Variants in UGT1A3 observed in about 807,000 individuals in gnomAD.
UGT1A3 encodes the protein UDP glucuronosyltransferase family 1 member A3, also known as UDP-glucuronosyltransferase 1A3.
A neutral mutation model predicts 41.0 loss-of-function variants in UGT1A3; 31 were observed. That is an observed-to-expected ratio of 0.76 (90% CI 0.57 to 1.02). The LOEUF is 1.02. Among genes scored for constraint, UGT1A3 ranks in the 50% least tolerant of loss-of-function variants. UGT1A3 has a pLI of 0.00. For missense variants in UGT1A3, 737 were observed against 671.0 expected, an observed-to-expected ratio of 1.10 and a Z score of -1.09; for synonymous variants, 262 against 257.6, an observed-to-expected ratio of 1.02 and a Z score of -0.17.
rs144721642 is a variant in UGT1A3, at chr2:233,760,960, G to A, written c.868-6074G>A. 13 of 1,614,166 alleles carry A rather than the reference G, an allele frequency of 8.1e-6. No homozygotes were observed. Among genetic ancestry groups the A allele is most frequent in the African/African-American group, 5.3e-5 (4 of 75,032 alleles). On this transcript the variant is annotated intron_variant, in intron 1 of 4. Coordinates refer to ENST00000482026, the MANE Select transcript of UGT1A3 (RefSeq NM_019093.4). The stretch of plus-strand genomic sequence containing the variant: ...CTTTTCACAGAACTTTCTGTGCGAC[G>A]TGGTTTATTCCCCGTATGCAACCCT...
chr2:233,759,500 C>G (rs1243042735), intron 1 of UGT1A3, among the ~76,000 whole-genome samples: 1 of 152,164 alleles, frequency 6.6e-6, no homozygotes, highest in Non-Finnish European at 1.5e-5. Flanking sequence ...CAGGTTCACA[C>G]TAATAAAGGC....
At chr2:233,767,960 T>C (rs769330196) in intron 3 of UGT1A3, 24 bp downstream of exon 3, 3 of 1,614,200 alleles carry the variant, frequency 1.9e-6, no homozygotes, top group Non-Finnish European at 2.5e-6. Context: ...ATTGGATGTA[T>C]AGGTCAAACC....
chr2:233,753,212 A>G (rs1264665367), intron 1 of UGT1A3: 1 of 152,196 alleles, frequency 6.6e-6, no homozygotes, highest in Non-Finnish European at 1.5e-5. Context: ...AGTCTGTCTT[A>G]TTTTGATACT....
intron 1 of UGT1A3, among the ~76,000 whole-genome samples, chr2:233,757,287 C>A (rs1434964623): frequency 1.2e-4 from 14 of 112,536 alleles, no homozygotes; most frequent in Non-Finnish European, 2.2e-4. Context: ...TCAGAAGGGA[C>A]AGCTGGGGGT....
In UGT1A3 at chr2:233,769,600, G is replaced by A. The variant is rs36059993; in HGVS notation, c.1307+1161G>A. 2,963 of 1,612,786 alleles carry A rather than the reference G, an allele frequency of 1.8e-3. 49 individuals are homozygous for A. In the African/African-American group the frequency reaches 0.035, roughly 19 times the overall value. ...GTTCAGATGAGAGGAGACGGAACAC[G>A]GGGACACACCAGCTTGAGCAAGGGA... is the stretch of plus-strand genomic sequence containing the variant. On this transcript the variant is annotated intron_variant, in intron 4 of 4. Transcript: ENST00000482026. The surrounding 1 kb of genome is among the most constrained non-coding windows in gnomAD (Gnocchi z 4.4).
At chr2:233,754,136 G>T (rs1695403547) in intron 1 of UGT1A3, among the ~76,000 whole-genome samples, 1 of 152,154 alleles carries the variant, frequency 6.6e-6, no homozygotes. Flanking sequence ...GCAATTAAAA[G>T]CCATCATTAA....
At chr2:233,740,938 A>C (rs1691513941) in intron 1 of UGT1A3, 1 of 151,466 alleles carries the variant, frequency 6.6e-6, no homozygotes, top group Admixed American at 6.6e-5. Context: ...TTTTTTTTTT[A>C]ATTAGCTAGG....
At chr2:233,745,949 A>G (rs1225490168) in intron 1 of UGT1A3, among the ~76,000 whole-genome samples, 4 of 151,666 alleles carry the variant, frequency 2.6e-5, no homozygotes, top group East Asian at 3.9e-4. Context: ...GGGTTGGGCA[A>G]CTGGGGGACA....
At chr2:233,739,918 T>C (rs1575632669) in intron 1 of UGT1A3, among the ~76,000 whole-genome samples, 1 of 151,914 alleles carries the variant, frequency 6.6e-6, no homozygotes, top group East Asian at 1.9e-4. Flanking sequence ...GTAATTTCCA[T>C]AATCCCCATG....
chr2:233,734,445 A>G (rs1034867572), intron 1 of UGT1A3, among the ~76,000 whole-genome samples: 11 of 144,918 alleles, frequency 7.6e-5, no homozygotes, highest in African/African-American at 3.0e-4. Flanking sequence ...CCAGAGGTCT[A>G]TCAATTTTCA....
intron 1 of UGT1A3, chr2:233,760,219 C>A: frequency 6.3e-7 from 1 of 1,593,340 alleles, no homozygotes; most frequent in Non-Finnish European, 8.5e-7. Context: ...CTTGGTGTAT[C>A]GATTGGTTTT....
chr2:233,748,133 A>G (rs1199962839), intron 1 of UGT1A3: 2 of 1,609,694 alleles, frequency 1.2e-6, no homozygotes, highest in Non-Finnish European at 1.7e-6. Context: ...AGTTTTTAAA[A>G]ATTGTATTTA....
chr2:233,741,330 A>G lies in UGT1A3; in HGVS notation c.867+11337A>G, dbSNP rs546865407. On this transcript the variant is annotated intron_variant, in intron 1 of 4. Coordinates refer to ENST00000482026, the MANE Select transcript of UGT1A3 (RefSeq NM_019093.4). ...CACACCAACTCATTCTACTCTACCC[A>G]GAGTAGTGATTTCCAACACACAAAA... is the stretch of plus-strand genomic sequence containing the variant. Among the ~76,000 whole-genome samples the G allele has an allele frequency of 1.8e-4, 27 of 151,932 alleles. 1 individual carries two copies. Among genetic ancestry groups the G allele is most frequent in the African/African-American group, 5.6e-4 (23 of 41,194 alleles).
intron 1 of UGT1A3, among the ~76,000 whole-genome samples, chr2:233,757,535 A>AATATATATACAT (rs376887521): frequency 1.6e-4 from 14 of 88,310 alleles, no homozygotes; most frequent in Middle Eastern, 5.7e-3. Flanking sequence ...GCCTGTAAGG[A>AATATATATACAT]ATATATATAT....
chr2:233,744,228 G>A (rs1189849107), intron 1 of UGT1A3, among the ~76,000 whole-genome samples: 1 of 151,768 alleles, frequency 6.6e-6, no homozygotes, highest in Non-Finnish European at 1.5e-5. Flanking sequence ...GAAAAGAGAG[G>A]GCCTTGACTT....
chr2:233,732,797 G>A (rs1219460969), intron 1 of UGT1A3, among the ~76,000 whole-genome samples: 2 of 150,530 alleles, frequency 1.3e-5, no homozygotes, highest in Non-Finnish European at 3.0e-5. Context: ...GGCAATGCAG[G>A]CTCTTTTTTG....
chr2:233,742,671 T>C (rs1692065704), intron 1 of UGT1A3: 1 of 152,224 alleles, frequency 6.6e-6, no homozygotes, highest in South Asian at 2.1e-4. Context: ...CCCCAAGGTT[T>C]GTCCTCAGCC....
intron 1 of UGT1A3, chr2:233,743,847 G>C (rs771949487): frequency 2.9e-6 from 4 of 1,367,222 alleles, no homozygotes; most frequent in East Asian, 4.5e-5. Flanking sequence ...GCCAGCTTGC[G>C]GTACGCCTTC....
At chr2:233,731,558 G>C (rs955136214) in intron 1 of UGT1A3, among the ~76,000 whole-genome samples, 5 of 152,170 alleles carry the variant, frequency 3.3e-5, no homozygotes, top group Non-Finnish European at 5.9e-5. Context: ...CCATGTGATA[G>C]TTTGCTGAGA....
Sources: allele counts gnomAD v4.1 joint callset (sites outside exome capture counted in the v4.1 genomes callset), GRCh38; gene constraint gnomAD v4.1.1; non-coding constraint Gnocchi (gnomAD v3.1); transcripts MANE v1.5; gene names NCBI Gene and HGNC (gene_info 2026-07-23, HGNC 2026-07-21).